IQCB1: variants seen among roughly 807,000 people sequenced by gnomAD.
IQCB1 encodes IQ calmodulin-binding motif-containing protein 1.
Under a neutral mutation model 84.4 loss-of-function variants are expected in IQCB1, and 56 were observed. The ratio of observed to expected loss-of-function variants is 0.66; its 90% CI spans 0.54 to 0.83. The LOEUF is 0.83. IQCB1 is among the 40% of genes least tolerant of loss of function. The pLI is 0.00. For synonymous variants in IQCB1, 210 were observed against 234.8 expected, an observed-to-expected ratio of 0.89 and a Z score of 0.96; for missense variants, 629 against 682.1, an observed-to-expected ratio of 0.92 and a Z score of 0.87.
At chr3:121,832,693 T>G (rs1950690067) in intron 2 of IQCB1, among the ~76,000 whole-genome samples, 1 of 152,242 alleles carries the variant, frequency 6.6e-6, no homozygotes, top group Non-Finnish European at 1.5e-5. Flanking sequence ...TTTTGTGTCC[T>G]GTTTAGAAAG....
rs1039140691 is a variant in IQCB1, at chr3:121,772,354, G to T, written c.1567+203C>A. On this transcript the variant is annotated intron_variant, in intron 14 of 14. Coordinates refer to ENST00000310864, the MANE Select transcript of IQCB1 (RefSeq NM_001023570.4). The stretch of plus-strand genomic sequence containing the variant: ...GGTGACACATATGAATGATGGCAAG[G>T]CTTGGGGAAACAGGTAAGAAGGTGG... Among the ~76,000 whole-genome samples the T allele has an allele frequency of 2.8e-4, 42 of 152,176 alleles. 1 individual carries two copies. Among genetic ancestry groups the T allele is most frequent in the Non-Finnish European group, 3.2e-4 (22 of 68,040 alleles).
At chr3:121,793,925 T>C (rs1221971930) in intron 10 of IQCB1, among the ~76,000 whole-genome samples, 1 of 152,152 alleles carries the variant, frequency 6.6e-6, no homozygotes, top group African/African-American at 2.4e-5. Context: ...TAAACATTAA[T>C]GCTCTGAATC....
chr3:121,772,890 A>G (rs1184501284), intron 13 of IQCB1, among the ~76,000 whole-genome samples, 177 bp from the exon 14 acceptor site: 1 of 152,274 alleles, frequency 6.6e-6, no homozygotes, highest in African/African-American at 2.4e-5. Flanking sequence ...AAAGTTTTAG[A>G]TAAAAATAAT....
intron 11 of IQCB1, among the ~76,000 whole-genome samples, chr3:121,789,442 T>A (rs189178383): frequency 6.6e-6 from 1 of 152,224 alleles, no homozygotes; most frequent in Admixed American, 6.5e-5. Context: ...AGCACTCAGC[T>A]GAGAGTTGAG....
intron 5 of IQCB1, among the ~76,000 whole-genome samples, chr3:121,811,955 A>G (rs1023500077): frequency 6.6e-6 from 1 of 152,230 alleles, no homozygotes; most frequent in African/African-American, 2.4e-5. Context: ...CTGCTAAGGA[A>G]CAGAATGCCT....
intron 7 of IQCB1, among the ~76,000 whole-genome samples, chr3:121,802,567 C>A (rs1949444586): frequency 6.6e-6 from 1 of 152,080 alleles, no homozygotes; most frequent in African/African-American, 2.4e-5. Context: ...TCTCAAAGAG[C>A]CAGTTTATGG....
At chr3:121,795,383 A>G in intron 10 of IQCB1, 74 bp downstream of exon 10, 1 of 856,620 alleles carries the variant, frequency 1.2e-6, no homozygotes, top group Non-Finnish European at 2.0e-6. Context: ...TTAAAAAAAA[A>G]TCACCTAAAT....
At chr3:121,810,838 C>T (rs923198895) in intron 5 of IQCB1, among the ~76,000 whole-genome samples, 2 of 152,178 alleles carry the variant, frequency 1.3e-5, no homozygotes, top group South Asian at 2.1e-4. Flanking sequence ...GTTTATGTGG[C>T]TTCAACTAAC....
chr3:121,808,790 A>G lies in IQCB1; in HGVS notation c.487+126T>C, dbSNP rs953781704. The G allele has an allele frequency of 5.9e-5, 37 of 629,682 alleles. 1 individual carries two copies. In the African/African-American group the frequency reaches 6.7e-4, roughly 11 times the overall value. The allele number at this position is 629,682 out of a possible 1,614,324, so 39.0% of individuals were successfully genotyped here. On this transcript the variant is annotated intron_variant, in intron 6 of 14. Transcript: ENST00000310864. ...TTTAAAAAATTGTGAGCTTATTTCA[A>G]CATGGTTTCATTTCAGTGTGGTTAT...
intron 12 of IQCB1, 50 bp from the exon 13 acceptor site, chr3:121,781,924 G>A: frequency 2.5e-6 from 4 of 1,580,374 alleles, no homozygotes; most frequent in Non-Finnish European, 3.5e-6. Context: ...CTAACTAATA[G>A]AACTATTTTC....
At chr3:121,819,791 T>A (rs1387696872) in intron 5 of IQCB1, among the ~76,000 whole-genome samples, 1 of 152,126 alleles carries the variant, frequency 6.6e-6, no homozygotes, top group East Asian at 1.9e-4. Context: ...ATCTAGATAA[T>A]GTTAAGTTTT....
intron 2 of IQCB1, among the ~76,000 whole-genome samples, chr3:121,832,815 A>G (rs1334716967): frequency 6.6e-6 from 1 of 152,192 alleles, no homozygotes; most frequent in Admixed American, 6.5e-5. Flanking sequence ...GGTGTCATAT[A>G]AGAATCTAAT....
At chr3:121,829,319 T>C (rs1441007383) in intron 2 of IQCB1, among the ~76,000 whole-genome samples, 1 of 152,202 alleles carries the variant, frequency 6.6e-6, no homozygotes, top group African/African-American at 2.4e-5. Flanking sequence ...CAAGAAGAAC[T>C]GCAAAAAAGA....
intron 9 of IQCB1, among the ~76,000 whole-genome samples, chr3:121,795,774 C>T (rs1001310553): frequency 1.3e-5 from 2 of 152,142 alleles, no homozygotes; most frequent in African/African-American, 4.8e-5. Context: ...GTCTAGTTAG[C>T]TCCAAATTCT....
At chr3:121,799,835 A>T (rs1044981190) in intron 7 of IQCB1, among the ~76,000 whole-genome samples, 3 of 151,824 alleles carry the variant, frequency 2.0e-5, no homozygotes, top group African/African-American at 7.2e-5. Flanking sequence ...TTTCCTTGGT[A>T]TTTCCTTCAT....
chr3:121,808,302 T>A (rs1559784343), intron 6 of IQCB1, among the ~76,000 whole-genome samples: 1 of 151,948 alleles, frequency 6.6e-6, no homozygotes, highest in Admixed American at 6.6e-5. Context: ...AAAATTTCAG[T>A]TCAAGTATTA....
At chr3:121,780,852 CTGTGTGTGTGTATGTGTG>C (rs1264017961) in intron 13 of IQCB1, among the ~76,000 whole-genome samples, 1 of 145,660 alleles carries the variant, frequency 6.9e-6, no homozygotes, top group African/African-American at 2.6e-5. Context: ...GTGTGTGTAT[CTGTGTGTGTGTATGTGTG>C]TGTGTGTGTG....
intron 6 of IQCB1, among the ~76,000 whole-genome samples, chr3:121,807,829 T>C (rs573991950): frequency 6.6e-6 from 1 of 152,106 alleles, no homozygotes; most frequent in South Asian, 2.1e-4. Context: ...CTATAATTGG[T>C]TGCTCACAAC....
chr3:121,799,298 G>T lies in IQCB1; in HGVS notation c.664C>A (p.Pro222Thr), dbSNP rs773415022. Reference sequence around the variant, plus strand: ...GCAGTACTTCTTATAACTGGACTAGGAGTTGAAAAAAGCTTGAAAATAACT... The same window carrying T: ...GCAGTACTTCTTATAACTGGACTAGTAGTTGAAAAAAGCTTGAAAATAACT... ...DEVIFKLFST[P>T]SPVIRSTATK... Residue 222 changes from proline (P) to threonine (T), a missense_variant, in exon 8 of 15, where the codon CCT becomes ACT. Pro to Thr is a conservative substitution (Grantham distance 38, BLOSUM62 -1). Transcript: ENST00000310864. 6.2e-7 allele frequency: 1 copy of T among 1,606,672 alleles called. No individual in the cohort carries two copies. Among genetic ancestry groups the T allele is most frequent in the Non-Finnish European group, 8.5e-7 (1 of 1,174,530 alleles).
Sources: gnomAD v4.1 joint callset for allele counts (sites outside exome capture counted in the v4.1 genomes callset) on GRCh38, gnomAD v4.1.1 for gene constraint, MANE v1.5 for transcripts, NCBI Gene and HGNC (gene_info 2026-07-23, HGNC 2026-07-21) for gene names.